The following STEAP2 variants were observed in gnomAD, a reference collection of about 807,000 sequenced individuals.
STEAP2 encodes the protein metalloreductase STEAP2.
In STEAP2, 30 loss-of-function variants were observed where a neutral mutation model predicts 46.4. That is an observed-to-expected ratio of 0.65 (90% confidence interval 0.48 to 0.88). STEAP2 has a LOEUF of 0.88. Among genes scored for constraint, STEAP2 ranks in the 40% least tolerant of loss-of-function variants. STEAP2 has a pLI of 0.00. For missense variants in STEAP2, 513 were observed against 579.3 expected (o/e 0.89, Z 1.18); for synonymous variants, 180 against 200.5 (o/e 0.90, Z 0.86).
Position 90,235,784 on chromosome 7 carries a change from T to G in STEAP2, c.*3160T>G. 1 of 795,316 alleles carries G rather than the reference T, an allele frequency of 1.3e-6. No homozygotes were observed. Among genetic ancestry groups the G allele is most frequent in the Non-Finnish European group, 1.5e-6 (1 of 656,686 alleles). The allele number at this position is 795,316 out of a possible 1,614,324, so 49.3% of individuals were successfully genotyped here. A position where few individuals can be genotyped will look rare whatever the true frequency, so the allele number is the denominator to read the frequency against. On this transcript the variant is annotated 3_prime_UTR_variant, in exon 6 of 6. Transcript: ENST00000394621. ...CTAACATTATTTTTCAAAACATACATGGAAATTTAGCCCAGATTGTCTACA... is the reference window on the plus strand; with the variant it reads ...CTAACATTATTTTTCAAAACATACAGGGAAATTTAGCCCAGATTGTCTACA...
chr7:90,213,706 C>G (rs1794905782), intron 1 of STEAP2: 1 of 152,166 alleles, frequency 6.6e-6, no homozygotes, highest in African/African-American at 2.4e-5. Context: ...ACGGACAAGA[C>G]AAACATGGTT....
rs1795965053 is a variant in STEAP2 at position 90,236,507 on chromosome 7, C to A, written c.*3883C>A. 3 of 1,005,346 alleles carry A rather than the reference C, an allele frequency of 3.0e-6. No individual in the cohort carries two copies. Among genetic ancestry groups the A allele is most frequent in the Non-Finnish European group, 3.6e-6 (3 of 842,868 alleles). 62.3% of individuals were successfully genotyped at this position (1,005,346 alleles called of 1,614,324 possible). On this transcript the variant is annotated 3_prime_UTR_variant, in exon 6 of 6. Coordinates refer to ENST00000394621, the MANE Select transcript of STEAP2 (RefSeq NM_001244944.2). ...AGTGGGTAAAACAAATTCTGATGTACATTCAGGACAAATGATTAGCCCTAA... is the reference window on the plus strand; with the variant it reads ...AGTGGGTAAAACAAATTCTGATGTAAATTCAGGACAAATGATTAGCCCTAA...
intron 2 of STEAP2, among the ~76,000 whole-genome samples, chr7:90,218,847 T>C (rs1368234119): frequency 6.6e-6 from 1 of 152,188 alleles, no homozygotes; most frequent in Non-Finnish European, 1.5e-5. Flanking sequence ...GCATTGAATC[T>C]GTGTATTGCT....
Position 90,236,380 on chromosome 7 carries a change from G to A in STEAP2, c.*3756G>A. Reference sequence around the variant, plus strand: ...GCCTAAAATGTGTTGAAATTATTTTGTAAATCCATGACTTAAAACAAGATA... The same window carrying A: ...GCCTAAAATGTGTTGAAATTATTTTATAAATCCATGACTTAAAACAAGATA... On this transcript the variant is annotated 3_prime_UTR_variant, in exon 6 of 6. Transcript: ENST00000394621. 1 of 984,004 alleles carries A rather than the reference G, an allele frequency of 1.0e-6. No individual in the cohort carries two copies. Among genetic ancestry groups the A allele is most frequent in the Non-Finnish European group, 1.2e-6 (1 of 828,720 alleles). The allele number at this position is 984,004 out of a possible 1,614,324, so 61.0% of individuals were successfully genotyped here.
intron 2 of STEAP2, among the ~76,000 whole-genome samples, chr7:90,224,473 C>T (rs1219387630): frequency 3.3e-5 from 5 of 152,212 alleles, no homozygotes; most frequent in Non-Finnish European, 4.4e-5. Context: ...ACACTGCCTA[C>T]GGGGTAGGCC....
chr7:90,241,475 A>T (rs547639687), downstream of STEAP2, among the ~76,000 whole-genome samples: 1 of 152,336 alleles, frequency 6.6e-6, no homozygotes, highest in South Asian at 2.1e-4. Context: ...TCTTTTAATG[A>T]ACATTTTTTG....
In STEAP2 at chr7:90,232,586, A is replaced by G; in HGVS notation, c.1435A>G (p.Ile479Val). Residue 479 changes from isoleucine to valine, a missense_variant, in exon 6 of 6, where the codon ATT becomes GTT. By Grantham distance (29) the Ile-to-Val change is conservative. Transcript: ENST00000394621. ...QFLEEGMGGT[I>V]PHVSPERVTV... ...TCTGGAAGAAGGTATGGGAGGAACA[A>G]TTCCTCATGTCTCCCCGGAGAGGGT... The G allele has an allele frequency of 6.2e-7, 1 of 1,612,884 alleles. No individual in the cohort carries two copies.
Position 90,237,054 on chromosome 7 carries a change from AG to A in STEAP2, c.*4432del. On this transcript the variant is annotated 3_prime_UTR_variant, in exon 6 of 6. Coordinates refer to ENST00000394621, the MANE Select transcript of STEAP2 (RefSeq NM_001244944.2). ...GGCCAGTGAGATGAAGTCTCCTCAA[AG>A]GAAGGCAGCATGTGTCCTTTTTCAT... 1 of 1,250,510 alleles carries A rather than the reference AG, an allele frequency of 8.0e-7. No individual in the cohort carries two copies. The highest frequency in any genetic ancestry group is 1.1e-6 in the Non-Finnish European group (1 of 876,876). The allele number at this position is 1,250,510 out of a possible 1,614,324, so 77.5% of individuals were successfully genotyped here. A position where few individuals can be genotyped will look rare whatever the true frequency, so the allele number is the denominator to read the frequency against.
At position 90,233,204 on chromosome 7, in the gene STEAP2, TAA is replaced by T; in HGVS notation, c.*584_*585del. 1 of 965,354 alleles carries T rather than the reference TAA, an allele frequency of 1.0e-6. No homozygotes were observed. The highest frequency in any genetic ancestry group is 1.2e-6 in the Non-Finnish European group (1 of 811,770). 59.8% of individuals were successfully genotyped at this position (965,354 alleles called of 1,614,324 possible). The stretch of plus-strand genomic sequence containing the variant: ...TGTGATTATATGAAGAGACACAAAT[TAA>T]AAAGACAAATTAAACCTGAAATTAT... On this transcript the variant is annotated 3_prime_UTR_variant, in exon 6 of 6. Coordinates refer to ENST00000394621, the MANE Select transcript of STEAP2 (RefSeq NM_001244944.2).
rs1050961973 is a variant in STEAP2 at position 90,237,141 on chromosome 7, G to A, written c.*4517G>A. 2 of 566,922 alleles carry A rather than the reference G, an allele frequency of 3.5e-6. No individual in the cohort carries two copies. The highest frequency in any genetic ancestry group is 6.0e-6 in the Non-Finnish European group (2 of 334,842). The allele number at this position is 566,922 out of a possible 1,614,324, so 35.1% of individuals were successfully genotyped here. A position where few individuals can be genotyped will look rare whatever the true frequency, so the allele number is the denominator to read the frequency against. ...GGAGCCCTGGCAGCTGTCTCCAGAG[G>A]ATCAAAGCCACACCCAAAGAGTAAG... On this transcript the variant is annotated 3_prime_UTR_variant, in exon 6 of 6. Transcript: ENST00000394621.
intron 3 of STEAP2, among the ~76,000 whole-genome samples, chr7:90,226,745 T>G (rs1195767874): frequency 6.6e-6 from 1 of 152,136 alleles, no homozygotes; most frequent in Non-Finnish European, 1.5e-5. Flanking sequence ...GCCTACCCAT[T>G]AGTAATAGTA....
At chr7:90,225,000 T>C (rs1050332234) in intron 2 of STEAP2, 50 bp from the exon 3 acceptor site, 2 of 1,475,612 alleles carry the variant, frequency 1.4e-6, no homozygotes, top group Admixed American at 2.1e-5. Flanking sequence ...AGAAGTGTTT[T>C]AATGTTCAGT....
intron 1 of STEAP2, among the ~76,000 whole-genome samples, chr7:90,214,314 A>G (rs560680113): frequency 1.3e-5 from 2 of 152,214 alleles, no homozygotes; most frequent in Non-Finnish European, 2.9e-5. Flanking sequence ...GGTGGCATTT[A>G]CACATTTCCA....
rs1795998627 is a variant in STEAP2, at chr7:90,237,433, G to A, written c.*4809G>A. ...TTAGTTATACTCATTTTCCTGCCTT[G>A]ATCTTTCATTAGATATTTTGTATCT... On this transcript the variant is annotated 3_prime_UTR_variant, in exon 6 of 6. Transcript: ENST00000394621. 1 of 153,784 alleles carries A rather than the reference G, an allele frequency of 6.5e-6. No individual in the cohort carries two copies. Among genetic ancestry groups the A allele is most frequent in the African/African-American group, 2.4e-5 (1 of 41,394 alleles). The allele number at this position is 153,784 out of a possible 1,614,324, so 9.5% of individuals were successfully genotyped here. A position where few individuals can be genotyped will look rare whatever the true frequency, so the allele number is the denominator to read the frequency against.
At chr7:90,229,341 C>G (rs1441855955) in intron 4 of STEAP2, among the ~76,000 whole-genome samples, 2 of 152,062 alleles carry the variant, frequency 1.3e-5, no homozygotes, top group African/African-American at 4.8e-5. Context: ...GAAATCACAG[C>G]TTTCTAGGAA....
At chr7:90,223,387 T>C (rs1157690855) in intron 2 of STEAP2, among the ~76,000 whole-genome samples, 1 of 152,170 alleles carries the variant, frequency 6.6e-6, no homozygotes, top group East Asian at 1.9e-4. Flanking sequence ...CCCCCATCTG[T>C]CTGCAAAGAC....
At position 90,227,125 on chromosome 7, in the gene STEAP2, T is replaced by G; in HGVS notation, c.647T>G (p.Val216Gly). The change falls in exon 4 of 6, where the codon GTG becomes GGG. Residue 216 changes from valine (V) to glycine (G), a missense_variant. Val to Gly is a moderately radical substitution (Grantham distance 109). Coordinates refer to ENST00000394621, the MANE Select transcript of STEAP2 (RefSeq NM_001244944.2). ...CTCTTTACTCTCTGGAGAGGGCCAG[T>G]GGTGGTAGCTATAAGCTTGGCCACA... is the stretch of plus-strand genomic sequence containing the variant. ...LRLFTLWRGPVVVAISLATFF... is the reference protein window; with the variant it reads ...LRLFTLWRGPGVVAISLATFF... 6.2e-7 allele frequency: 1 copy of G among 1,613,888 alleles called. No individual in the cohort carries two copies. Among genetic ancestry groups the G allele is most frequent in the Non-Finnish European group, 8.5e-7 (1 of 1,179,860 alleles).
chr7:90,218,563 CA>C (rs1422769215), intron 2 of STEAP2, among the ~76,000 whole-genome samples: 1 of 152,026 alleles, frequency 6.6e-6, no homozygotes, highest in Non-Finnish European at 1.5e-5. Context: ...CCTTTGTTGA[CA>C]ATCAGTTGGC....
At chr7:90,215,763 A>G (rs1433267600) in intron 1 of STEAP2, 4 of 152,112 alleles carry the variant, frequency 2.6e-5, no homozygotes, top group African/African-American at 9.7e-5. Context: ...CTTTCTATAA[A>G]TGACATAGTT....
Sources: gnomAD v4.1 joint callset for allele counts (sites outside exome capture counted in the v4.1 genomes callset) on GRCh38, gnomAD v4.1.1 for gene constraint, MANE v1.5 for transcripts, NCBI Gene and HGNC (gene_info 2026-07-23, HGNC 2026-07-21) for gene names.